TSHZ2: variants seen among roughly 807,000 people sequenced by gnomAD.
TSHZ2 encodes teashirt zinc finger homeobox 2.
A neutral mutation model predicts 74.4 loss-of-function variants in TSHZ2; 21 were observed. That is an observed-to-expected ratio of 0.28 (90% CI 0.20 to 0.41). TSHZ2 has a LOEUF of 0.41. Ranked by LOEUF, TSHZ2 falls within the 10% of genes least tolerant of loss-of-function variation. The pLI is 1.00. For missense variants in TSHZ2, 1,244 were observed against 1,293.5 expected (o/e 0.96, Z 0.59); for synonymous variants, 540 against 515.3 (o/e 1.05, Z -0.65).
intron 1 of TSHZ2, among the ~76,000 whole-genome samples, chr20:53,152,715 T>C (rs1229397758): frequency 6.6e-6 from 1 of 152,222 alleles, no homozygotes; most frequent in Non-Finnish European, 1.5e-5. Context: ...CCAATATCAC[T>C]CTGCTGAAAT....
chr20:53,340,177 C>CTTTTTTTTTTTTT lies in TSHZ2; in HGVS notation c.*8+83612_*8+83613insTTTTTTTTTTTTT, dbSNP rs74177489. Among the ~76,000 whole-genome samples, 187 of 94,066 alleles carry CTTTTTTTTTTTTT rather than the reference C, an allele frequency of 2.0e-3. 15 individuals are homozygous for CTTTTTTTTTTTTT. Among genetic ancestry groups the CTTTTTTTTTTTTT allele is most frequent in the African/African-American group, 4.1e-3 (92 of 22,288 alleles). The allele number at this position is 94,066 out of a possible 152,430, so 61.7% of individuals were successfully genotyped here. Reference sequence around the variant, plus strand: ...GGATAAAACAAGGTGACTTTTCTTTCTTTTTTCTTTTTTTTTTTTTTTTGA... The same window carrying CTTTTTTTTTTTTT: ...GGATAAAACAAGGTGACTTTTCTTTCTTTTTTTTTTTTTTTTTTTCTTTTTTTTTTTTTTTTGA... On this transcript the variant is annotated intron_variant, in intron 2 of 2. Coordinates refer to ENST00000371497, the MANE Select transcript of TSHZ2 (RefSeq NM_173485.6).
In TSHZ2 at chr20:53,131,834, C is replaced by CAAA. The variant is rs1333277654; in HGVS notation, c.41-121656_41-121654dup. On this transcript the variant is annotated intron_variant, in intron 1 of 2. Transcript: ENST00000371497. ...TTGAATGACAACCCCCCCCCCCCCC[C>CAAA]AAAAAAAAAAAGCCACACTAGCAAT... Among the ~76,000 whole-genome samples, 535 of 71,018 alleles carry CAAA rather than the reference C, an allele frequency of 7.5e-3. 9 individuals are homozygous for CAAA. The highest frequency in any genetic ancestry group is 0.021 in the African/African-American group (518 of 24,680). The allele number at this position is 71,018 out of a possible 152,430, so 46.6% of individuals were successfully genotyped here.
At chr20:53,391,842 T>C (rs1982271199) in intron 2 of TSHZ2, among the ~76,000 whole-genome samples, 1 of 152,110 alleles carries the variant, frequency 6.6e-6, no homozygotes, top group African/African-American at 2.4e-5. Flanking sequence ...AGTGGGGATA[T>C]TGAGGCACGA....
chr20:53,391,248 A>G (rs1268006180), intron 2 of TSHZ2, among the ~76,000 whole-genome samples: 1 of 151,942 alleles, frequency 6.6e-6, no homozygotes, highest in Non-Finnish European at 1.5e-5. Flanking sequence ...CTGGGTTCAC[A>G]CCATTCTCCT....
chr20:53,173,731 G>T (rs901504041), intron 1 of TSHZ2, among the ~76,000 whole-genome samples: 8 of 152,170 alleles, frequency 5.3e-5, no homozygotes, highest in African/African-American at 1.9e-4. Context: ...TGGATGGGTG[G>T]GTGGGTAGGC....
chr20:53,007,138 C>T (rs1982673108), intron 1 of TSHZ2, among the ~76,000 whole-genome samples: 2 of 152,100 alleles, frequency 1.3e-5, no homozygotes, highest in Non-Finnish European at 2.9e-5. Flanking sequence ...AAAGGCTTCC[C>T]TGAGGAGGTG....
In TSHZ2 at chr20:53,096,649, G is replaced by A. The variant is rs549255212; in HGVS notation, c.40+123316G>A. Among the ~76,000 whole-genome samples, 5 of 152,102 alleles carry A rather than the reference G, an allele frequency of 3.3e-5. No homozygotes were observed. In the East Asian group the frequency reaches 9.7e-4, roughly 30 times the overall value. ...TGTAATCCTAGCACTTTGGGAGGCC[G>A]AGGGGGGTGGATCACCTGAGGTAAG... On this transcript the variant is annotated intron_variant, in intron 1 of 2. Coordinates refer to ENST00000371497, the MANE Select transcript of TSHZ2 (RefSeq NM_173485.6).
intron 1 of TSHZ2, chr20:53,168,839 G>A (rs979847832): frequency 6.6e-6 from 1 of 152,108 alleles, no homozygotes; most frequent in Non-Finnish European, 1.5e-5. Flanking sequence ...AAACTGGGAA[G>A]AGTGGTCTTC....
Position 53,480,579 on chromosome 20 carries a change from A to AG in TSHZ2, c.*9-6565_*9-6564insG, listed in dbSNP as rs1194161491. On this transcript the variant is annotated intron_variant, in intron 2 of 2. Coordinates refer to ENST00000371497, the MANE Select transcript of TSHZ2 (RefSeq NM_173485.6). Reference sequence around the variant, plus strand: ...AAGACCCTACCTTCTAAAAAAAAAAAAAAGAAAAAAATAAAAAATGGGTGC... The same window carrying AG: ...AAGACCCTACCTTCTAAAAAAAAAAAGAAAGAAAAAAATAAAAAATGGGTGC... Among the ~76,000 whole-genome samples, 3 of 152,098 alleles carry AG rather than the reference A, an allele frequency of 2.0e-5. No individual in the cohort carries two copies. In the East Asian group the frequency reaches 5.8e-4, roughly 29 times the overall value.
intron 2 of TSHZ2, among the ~76,000 whole-genome samples, chr20:53,383,198 G>A (rs180737781): frequency 2.0e-5 from 3 of 151,756 alleles, no homozygotes; most frequent in South Asian, 2.1e-4. Context: ...GGGAGGCAGC[G>A]GTTGCAGTGA....
chr20:53,044,382 G>A (rs1984151726), intron 1 of TSHZ2, among the ~76,000 whole-genome samples: 1 of 152,204 alleles, frequency 6.6e-6, no homozygotes, highest in African/African-American at 2.4e-5. Flanking sequence ...AACATTCTGA[G>A]TGCAAGATGA....
At chr20:53,109,946 C>A (rs181291674) in intron 1 of TSHZ2, among the ~76,000 whole-genome samples, 6 of 152,324 alleles carry the variant, frequency 3.9e-5, no homozygotes, top group Admixed American at 6.5e-5. Flanking sequence ...AAAATAGCAA[C>A]CTTCAAGAAG....
chr20:53,482,367 G>A (rs1986176814), intron 2 of TSHZ2, among the ~76,000 whole-genome samples: 1 of 152,130 alleles, frequency 6.6e-6, no homozygotes, highest in South Asian at 2.1e-4. Flanking sequence ...GACACAAGGT[G>A]AAGCAATGTC....
intron 2 of TSHZ2, among the ~76,000 whole-genome samples, chr20:53,363,322 A>G (rs1158643227): frequency 1.3e-5 from 2 of 152,184 alleles, no homozygotes; most frequent in Non-Finnish European, 2.9e-5. Flanking sequence ...TAGAAGCCCA[A>G]CCTAACGTGG....
chr20:53,213,585 A>AAGAG (rs1029873706), intron 1 of TSHZ2, among the ~76,000 whole-genome samples: 7 of 151,828 alleles, frequency 4.6e-5, no homozygotes, highest in Non-Finnish European at 7.4e-5. Flanking sequence ...GAGAGAGAGA[A>AAGAG]AGAGAGAGAG....
Position 53,034,576 on chromosome 20 carries a change from T to C in TSHZ2, c.40+61243T>C, listed in dbSNP as rs541032354. ...AGAAGATAAAATAGAATAATGTGTT[T>C]GTGAGTCGGAAGTTATTTTACAGGA... On this transcript the variant is annotated intron_variant, in intron 1 of 2. Coordinates refer to ENST00000371497, the MANE Select transcript of TSHZ2 (RefSeq NM_173485.6). Among the ~76,000 whole-genome samples, 5 of 152,298 alleles carry C rather than the reference T, an allele frequency of 3.3e-5. No homozygotes were observed. In the East Asian group the frequency reaches 7.7e-4, roughly 24 times the overall value.
rs575992145 is a variant in TSHZ2 at position 53,264,946 on chromosome 20, A to G, written c.*8+8375A>G. On this transcript the variant is annotated intron_variant, in intron 2 of 2. Coordinates refer to ENST00000371497, the MANE Select transcript of TSHZ2 (RefSeq NM_173485.6). ...ATTGGGAGAATCTGTTTATGTTGAG[A>G]CTGGCCAAGAAGCACTTAGAGAGAG... Among the ~76,000 whole-genome samples, 5 of 152,230 alleles carry G rather than the reference A, an allele frequency of 3.3e-5. No homozygotes were observed. The East Asian group carries it at 9.7e-4, about 30-fold the overall frequency.
intron 1 of TSHZ2, among the ~76,000 whole-genome samples, chr20:53,065,716 C>T (rs1475455678): frequency 6.6e-6 from 1 of 152,222 alleles, no homozygotes; most frequent in Non-Finnish European, 1.5e-5. Context: ...GAAAATACTA[C>T]CATGAAGAGT....
At chr20:53,431,526 A>G (rs1165998419) in intron 2 of TSHZ2, among the ~76,000 whole-genome samples, 2 of 152,094 alleles carry the variant, frequency 1.3e-5, no homozygotes, top group East Asian at 3.8e-4. Flanking sequence ...CCTAGTAATA[A>G]TAACAATCCC....
Sources: gnomAD v4.1 joint callset for allele counts (sites outside exome capture counted in the v4.1 genomes callset) on GRCh38, gnomAD v4.1.1 for gene constraint, MANE v1.5 for transcripts, NCBI Gene and HGNC (gene_info 2026-07-23, HGNC 2026-07-21) for gene names.